The following NCKAP5 variants were observed in gnomAD, a reference collection of about 807,000 sequenced individuals.
NCKAP5 encodes the protein nck-associated protein 5.
In NCKAP5, 92 loss-of-function variants were observed where a neutral mutation model predicts 167.0. That is an observed-to-expected ratio of 0.55 (90% CI 0.47 to 0.66). NCKAP5 has a LOEUF of 0.66. Among genes scored for constraint, NCKAP5 ranks in the 30% least tolerant of loss-of-function variants. The probability of loss-of-function intolerance (pLI) is 0.00; values close to 1 mark genes in which losing one functional copy is unlikely to be tolerated. For synonymous variants in NCKAP5, 891 were observed against 877.4 expected (o/e 1.02, Z -0.27); for missense variants, 2,378 against 2,315.0 (o/e 1.03, Z -0.56).
intron 8 of NCKAP5, among the ~76,000 whole-genome samples, chr2:132,923,324 G>A (rs1356118015): frequency 6.6e-6 from 1 of 152,154 alleles, no homozygotes; most frequent in East Asian, 1.9e-4. Flanking sequence ...AATACACAAG[G>A]AATAAATCGA....
chr2:133,601,968 A>G, the NCKAP5 span, among the ~76,000 whole-genome samples: 2 of 152,166 alleles, frequency 1.3e-5, no homozygotes, highest in Non-Finnish European at 2.9e-5. Context: ...TGATGAGCAC[A>G]ACAGTAATGG....
At chr2:132,706,113 A>AT (rs1350012523) in intron 19 of NCKAP5, among the ~76,000 whole-genome samples, 2 of 152,264 alleles carry the variant, frequency 1.3e-5, no homozygotes, top group South Asian at 2.1e-4. Context: ...ACATACACAC[A>AT]TTTTTTTAAA....
intron 3 of NCKAP5, among the ~76,000 whole-genome samples, chr2:133,455,269 C>A (rs1392161597): frequency 6.6e-6 from 1 of 151,976 alleles, no homozygotes; most frequent in East Asian, 1.9e-4. Context: ...GAAGTTTATG[C>A]CCATTTCATC....
chr2:132,946,802 G>A (rs1193064296), intron 8 of NCKAP5, among the ~76,000 whole-genome samples: 2 of 152,210 alleles, frequency 1.3e-5, no homozygotes, highest in Non-Finnish European at 2.9e-5. Flanking sequence ...AGAGGCTGAG[G>A]TGAGAGGATC....
intron 8 of NCKAP5, among the ~76,000 whole-genome samples, chr2:132,926,705 C>A (rs918030972): frequency 1.3e-5 from 2 of 151,930 alleles, no homozygotes; most frequent in Non-Finnish European, 2.9e-5. Flanking sequence ...TGTCCTTTGC[C>A]CACTTTTTAA....
intron 12 of NCKAP5, among the ~76,000 whole-genome samples, chr2:132,795,492 C>A (rs1463394420): frequency 6.6e-6 from 1 of 152,014 alleles, no homozygotes. Context: ...GTGAGAAATG[C>A]AGTATAAAAT....
At chr2:132,807,210 A>C (rs1356874654) in intron 11 of NCKAP5, among the ~76,000 whole-genome samples, 1 of 151,658 alleles carries the variant, frequency 6.6e-6, no homozygotes, top group African/African-American at 2.4e-5. Flanking sequence ...CAGATTTGTT[A>C]TTTTTGTTTA....
chr2:133,009,591 C>T (rs963840448), intron 6 of NCKAP5, among the ~76,000 whole-genome samples: 6 of 152,174 alleles, frequency 3.9e-5, no homozygotes, highest in African/African-American at 1.4e-4. Context: ...ATCCATTTAT[C>T]TGTTCCTCTA....
At chr2:132,681,346 C>CT (rs772868601) in intron 19 of NCKAP5, among the ~76,000 whole-genome samples, 2,240 of 141,054 alleles carry the variant, frequency 0.016, 47 homozygotes, top group African/African-American at 0.053. Flanking sequence ...ACTGATTAGC[C>CT]TTTTTTTTTT....
intron 6 of NCKAP5, among the ~76,000 whole-genome samples, chr2:133,109,061 G>A (rs1213429366): frequency 6.6e-6 from 1 of 152,018 alleles, no homozygotes; most frequent in African/African-American, 2.4e-5. Flanking sequence ...TCCCTCTCGG[G>A]CTAATTTGTA....
chr2:133,350,691 G>A (rs551371621), intron 3 of NCKAP5, among the ~76,000 whole-genome samples: 1 of 151,992 alleles, frequency 6.6e-6, no homozygotes, highest in Admixed American at 6.6e-5. Flanking sequence ...AGTGAGCTCT[G>A]GATGGTCTGG....
At chr2:132,941,503 G>T (rs1697294379) in intron 8 of NCKAP5, among the ~76,000 whole-genome samples, 1 of 151,994 alleles carries the variant, frequency 6.6e-6, no homozygotes, top group Non-Finnish European at 1.5e-5. Context: ...CACTGGGGCG[G>T]CAGAACTGGC....
At chr2:133,527,147 C>A (rs1004901693) in intron 2 of NCKAP5, 3 of 151,966 alleles carry the variant, frequency 2.0e-5, no homozygotes, top group Non-Finnish European at 4.4e-5. Flanking sequence ...CCATCTGGGG[C>A]CAGTTGGGTA....
intron 3 of NCKAP5, among the ~76,000 whole-genome samples, chr2:133,425,042 T>C (rs1315710852): frequency 6.6e-6 from 1 of 152,188 alleles, no homozygotes; most frequent in Non-Finnish European, 1.5e-5. Context: ...AATGATTAAA[T>C]GGTTTTCCTA....
At chr2:133,187,428 A>G (rs2084996102) in intron 5 of NCKAP5, among the ~76,000 whole-genome samples, 2 of 152,100 alleles carry the variant, frequency 1.3e-5, no homozygotes, top group African/African-American at 4.8e-5. Flanking sequence ...GCTGGCATGC[A>G]TCTGCAATCC....
At chr2:133,152,155 T>G (rs2083404747) in intron 5 of NCKAP5, among the ~76,000 whole-genome samples, 1 of 152,128 alleles carries the variant, frequency 6.6e-6, no homozygotes, top group Admixed American at 6.6e-5. Flanking sequence ...GAATAAAGAA[T>G]TACAAAGACT....
Position 132,708,079 on chromosome 2 carries a change from G to A in NCKAP5, c.5713+17548C>T, listed in dbSNP as rs182485389. Among the ~76,000 whole-genome samples the A allele has an allele frequency of 1.4e-4, 22 of 152,198 alleles. No homozygotes were observed. The East Asian group carries it at 4.3e-3, about 30-fold the overall frequency. The stretch of plus-strand genomic sequence containing the variant: ...AGTACCCAGGCAGTACTTGCCATAG[G>A]CCTTAGGTGAGACTCAAGGATGTAC... On this transcript the variant is annotated intron_variant, in intron 19 of 19. Transcript: ENST00000409261.
chr2:133,387,958 A>C (rs1045253454), intron 3 of NCKAP5, among the ~76,000 whole-genome samples: 1 of 152,134 alleles, frequency 6.6e-6, no homozygotes, highest in African/African-American at 2.4e-5. Context: ...TCTTTTTTCA[A>C]GGTTTTTAAC....
intron 5 of NCKAP5, among the ~76,000 whole-genome samples, chr2:133,183,512 A>C (rs1348954470): frequency 6.6e-6 from 1 of 152,182 alleles, no homozygotes; most frequent in Non-Finnish European, 1.5e-5. Flanking sequence ...CATTTGACAA[A>C]CTTCAGCCCA....
Sources: gnomAD v4.1 joint callset for allele counts (sites outside exome capture counted in the v4.1 genomes callset) on GRCh38, gnomAD v4.1.1 for gene constraint, MANE v1.5 for transcripts, NCBI Gene and HGNC (gene_info 2026-07-23, HGNC 2026-07-21) for gene names.